KCNIP4: variants seen among roughly 807,000 people sequenced by gnomAD.
KCNIP4 encodes Kv channel-interacting protein 4.
Under a neutral mutation model 34.0 loss-of-function variants are expected in KCNIP4, and 12 were observed. That is an observed-to-expected ratio of 0.35 (90% confidence interval 0.23 to 0.57). The LOEUF is 0.57. Ranked by LOEUF, KCNIP4 falls within the 20% of genes least tolerant of loss-of-function variation. The pLI is 0.83. For missense variants in KCNIP4, 238 were observed against 311.7 expected (o/e 0.76, Z 1.78); for synonymous variants, 124 against 102.2 (o/e 1.21, Z -1.29).
At chr4:20,909,633 C>A (rs1169837102) in intron 1 of KCNIP4, among the ~76,000 whole-genome samples, 1 of 152,186 alleles carries the variant, frequency 6.6e-6, no homozygotes, top group African/African-American at 2.4e-5. Context: ...CACATTAAGA[C>A]CTACCTATCC....
In KCNIP4 at chr4:21,775,454, A is replaced by C. The variant is rs150330284; in HGVS notation, c.61+173117T>G. Among the ~76,000 whole-genome samples, 194 of 152,294 alleles carry C rather than the reference A, an allele frequency of 1.3e-3. 1 individual carries two copies. The highest frequency in any genetic ancestry group is 4.4e-3 in the African/African-American group (183 of 41,560). Reference sequence around the variant, plus strand: ...CCTCACCCAGCTGAGTGGCACAAGGAGCAGGACCCACTTAAAAAAGCACTT... The same window carrying C: ...CCTCACCCAGCTGAGTGGCACAAGGCGCAGGACCCACTTAAAAAAGCACTT... On this transcript the variant is annotated intron_variant, in intron 1 of 8. Transcript: ENST00000382152.
chr4:21,495,852 A>C (rs556515883), intron 1 of KCNIP4, among the ~76,000 whole-genome samples: 1 of 152,372 alleles, frequency 6.6e-6, no homozygotes, highest in South Asian at 2.1e-4. Flanking sequence ...GTCCTTGATT[A>C]GAATTTCTCA....
At chr4:21,390,097 C>A (rs1722428788) in intron 1 of KCNIP4, among the ~76,000 whole-genome samples, 1 of 151,898 alleles carries the variant, frequency 6.6e-6, no homozygotes, top group Non-Finnish European at 1.5e-5. Flanking sequence ...GCATAAATAT[C>A]TTCTTTTGAG....
intron 1 of KCNIP4, among the ~76,000 whole-genome samples, chr4:21,243,806 C>T (rs1760015031): frequency 1.3e-5 from 2 of 152,214 alleles, no homozygotes; most frequent in African/African-American, 2.4e-5. Flanking sequence ...CAAAAATCAA[C>T]AAAAACCCTG....
chr4:20,914,928 T>C (rs1728661019), intron 1 of KCNIP4, among the ~76,000 whole-genome samples: 1 of 152,184 alleles, frequency 6.6e-6, no homozygotes, highest in Admixed American at 6.5e-5. Flanking sequence ...CTTTGGAAAT[T>C]AATAGAAAGT....
intron 1 of KCNIP4, among the ~76,000 whole-genome samples, chr4:21,069,179 C>T (rs1195262152): frequency 1.3e-5 from 2 of 152,042 alleles, no homozygotes; most frequent in African/African-American, 4.8e-5. Context: ...TTTTGGCAGC[C>T]ACACTATTGA....
intron 1 of KCNIP4, among the ~76,000 whole-genome samples, chr4:21,671,706 C>T (rs1749514077): frequency 6.6e-6 from 1 of 152,132 alleles, no homozygotes; most frequent in South Asian, 2.1e-4. Flanking sequence ...TATTAGGATG[C>T]TTTGAGCTGT....
chr4:21,871,518 C>T (rs1725810245), intron 1 of KCNIP4, among the ~76,000 whole-genome samples: 1 of 151,788 alleles, frequency 6.6e-6, no homozygotes, highest in Non-Finnish European at 1.5e-5. Flanking sequence ...TGGAAACCAT[C>T]ATTCTGAGCA....
chr4:21,536,581 A>C (rs56223006), intron 1 of KCNIP4, among the ~76,000 whole-genome samples: 55,026 of 151,806 alleles, frequency 0.36, 10,339 homozygotes, highest in South Asian at 0.55. Flanking sequence ...GACTTCGAGA[A>C]CAGTCTGGCC....
intron 1 of KCNIP4, among the ~76,000 whole-genome samples, chr4:21,148,290 G>A (rs2109236111): frequency 1.3e-5 from 2 of 152,216 alleles, no homozygotes; most frequent in South Asian, 4.1e-4. Context: ...AACCTTCAGA[G>A]AACAAAAAAC....
At chr4:20,875,978 G>A (rs1302815062) in intron 2 of KCNIP4, among the ~76,000 whole-genome samples, 1 of 152,186 alleles carries the variant, frequency 6.6e-6, no homozygotes, top group African/African-American at 2.4e-5. Flanking sequence ...GCAATGTACT[G>A]ATGGTGGTTT....
intron 4 of KCNIP4, among the ~76,000 whole-genome samples, chr4:20,758,130 G>T (rs895313771): frequency 1.3e-5 from 2 of 152,096 alleles, no homozygotes; most frequent in Non-Finnish European, 2.9e-5. Flanking sequence ...AATATAAGTT[G>T]GGCATCTGTT....
intron 1 of KCNIP4, among the ~76,000 whole-genome samples, chr4:21,745,435 T>G (rs762655717): frequency 5.9e-5 from 9 of 152,190 alleles, no homozygotes; most frequent in Non-Finnish European, 1.3e-4. Context: ...ATTTAGACAA[T>G]GAACATTTTC....
intron 1 of KCNIP4, among the ~76,000 whole-genome samples, chr4:21,240,773 T>C (rs1759753108): frequency 6.6e-6 from 1 of 152,210 alleles, no homozygotes; most frequent in Non-Finnish European, 1.5e-5. Flanking sequence ...CCAGCATTTC[T>C]GAAGACAATG....
intron 1 of KCNIP4, among the ~76,000 whole-genome samples, chr4:20,945,210 C>T (rs1056108858): frequency 5.9e-5 from 9 of 152,176 alleles, no homozygotes; most frequent in African/African-American, 2.2e-4. Context: ...TTCAGGGCAG[C>T]AATCTAACAA....
chr4:21,316,142 C>A (rs1418214956), intron 1 of KCNIP4: 2 of 152,216 alleles, frequency 1.3e-5, no homozygotes, highest in African/African-American at 4.8e-5. Flanking sequence ...ACAAGATTAA[C>A]CCCTTCTTCT....
intron 1 of KCNIP4, among the ~76,000 whole-genome samples, chr4:21,617,937 G>C (rs1303961067): frequency 1.3e-5 from 2 of 152,114 alleles, no homozygotes; most frequent in Non-Finnish European, 2.9e-5. Flanking sequence ...TACCTGACAG[G>C]TATTGAGAAA....
At chr4:21,585,061 C>A (rs777544704) in intron 1 of KCNIP4, among the ~76,000 whole-genome samples, 2 of 151,984 alleles carry the variant, frequency 1.3e-5, no homozygotes, top group African/African-American at 2.4e-5. Flanking sequence ...ACAGGATTTG[C>A]CAAATATAGT....
At chr4:20,905,030 C>T (rs1349427155) in intron 1 of KCNIP4, among the ~76,000 whole-genome samples, 1 of 152,152 alleles carries the variant, frequency 6.6e-6, no homozygotes, top group Non-Finnish European at 1.5e-5. Context: ...GTTATTAGAA[C>T]TTAAAAGGAA....
Sources: gnomAD v4.1 joint callset for allele counts (sites outside exome capture counted in the v4.1 genomes callset) on GRCh38, gnomAD v4.1.1 for gene constraint, MANE v1.5 for transcripts, NCBI Gene and HGNC (gene_info 2026-07-23, HGNC 2026-07-21) for gene names.